Variants in REXO1 observed in about 807,000 individuals in gnomAD.
REXO1 encodes the protein REX1, RNA exonuclease 1 homolog.
Under a neutral mutation model 102.6 loss-of-function variants are expected in REXO1, and 42 were observed. The observed-to-expected ratio is 0.41, with a 90% confidence interval of 0.32 to 0.53. The LOEUF (loss-of-function observed/expected upper bound fraction) is 0.53, where lower values mean the gene tolerates loss of function less well. Ranked by LOEUF, REXO1 falls within the 20% of genes least tolerant of loss-of-function variation. The pLI, the probability that REXO1 is intolerant of heterozygous loss-of-function variation, is 0.27. For missense variants in REXO1, 1,819 were observed against 1,732.5 expected (o/e 1.05, Z -0.89); for synonymous variants, 908 against 779.1 (o/e 1.17, Z -2.76).
At chr19:1,831,818 C>G (rs942708217) in intron 1 of REXO1, among the ~76,000 whole-genome samples, 3 of 132,662 alleles carry the variant, frequency 2.3e-5, no homozygotes, top group Admixed American at 8.7e-5. Flanking sequence ...GCACTCTATC[C>G]TGGGCAACAA....
chr19:1,817,968 C>T (rs1600513376), intron 10 of REXO1, among the ~76,000 whole-genome samples, 188 bp from the exon 11 acceptor site: 1 of 152,194 alleles, frequency 6.6e-6, no homozygotes, highest in African/African-American at 2.4e-5. Flanking sequence ...ACGCCCAGGC[C>T]TGGATCCAGG....
Position 1,826,850 on chromosome 19 carries a change from GCCCAGC to G in REXO1, c.1911+22_1911+27del, listed in dbSNP as rs1818780707. 2 of 1,556,002 alleles carry G rather than the reference GCCCAGC, an allele frequency of 1.3e-6. No individual in the cohort carries two copies. Among genetic ancestry groups the G allele is most frequent in the African/African-American group, 1.4e-5 (1 of 73,410 alleles). ...GGCCCTCGGCTCTGCCTCTGCCCGA[GCCCAGC>G]CCCAGCACCCGCGCGCCTCACCTGC... On this transcript the variant is annotated intron_variant, in intron 2 of 15. Coordinates refer to ENST00000170168, the MANE Select transcript of REXO1 (RefSeq NM_020695.4). The surrounding 1 kb of genome is among the most constrained non-coding windows in gnomAD (Gnocchi z 4.3).
At chr19:1,833,148 C>G (rs987781503) in intron 1 of REXO1, among the ~76,000 whole-genome samples, 1 of 152,110 alleles carries the variant, frequency 6.6e-6, no homozygotes, top group Non-Finnish European at 1.5e-5. Context: ...TCTCTTGAGC[C>G]TAAGAGGTCA....
chr19:1,816,472 G>C lies in REXO1; in HGVS notation c.3415C>G (p.Leu1139Val). Residue 1139 changes from leucine (L) to valine (V), a missense_variant, in exon 14 of 16, where the codon CTC becomes GTC. Leu to Val is a conservative substitution (Grantham distance 32). Coordinates refer to ENST00000170168, the MANE Select transcript of REXO1 (RefSeq NM_020695.4). ...LLSMFSADTI[L>V]IGHSLESDLL... ...TCGCTCTCCAGGCTGTGTCCGATGAGGATGGTGTCAGCGCTGAACATGCTC... is the reference window on the plus strand; with the variant it reads ...TCGCTCTCCAGGCTGTGTCCGATGACGATGGTGTCAGCGCTGAACATGCTC... 1 of 1,612,538 alleles carries C rather than the reference G, an allele frequency of 6.2e-7. No homozygotes were observed.
In REXO1 at chr19:1,820,051, T is replaced by G; in HGVS notation, c.2533A>C (p.Asn845His). 1 of 1,603,270 alleles carries G rather than the reference T, an allele frequency of 6.2e-7. No individual in the cohort carries two copies. The highest frequency in any genetic ancestry group is 2.2e-5 in the East Asian group (1 of 44,696). Residue 845 changes from asparagine (N) to histidine (H), a missense_variant, in exon 7 of 16, where the codon AAC (asparagine) becomes CAC (histidine). Physicochemically the swap from Asn to His is moderately conservative, Grantham distance 68 (BLOSUM62 1). Transcript: ENST00000170168. Reference sequence around the variant, plus strand: ...CGGTCATAGGCCACCTTCTCCTCGTTCAGTGCCTGGGGGACAGGCGGTGCC... The same window carrying G: ...CGGTCATAGGCCACCTTCTCCTCGTGCAGTGCCTGGGGGACAGGCGGTGCC... ...SNQEAIEKAL[N>H]EEKVAYDRSP...
At chr19:1,829,372 G>A (rs1298358139) in intron 1 of REXO1, among the ~76,000 whole-genome samples, 1 of 152,120 alleles carries the variant, frequency 6.6e-6, no homozygotes, top group African/African-American at 2.4e-5. Flanking sequence ...CCAAGTAGCT[G>A]GGATTACAGG....
intron 1 of REXO1, 83 bp downstream of exon 1, chr19:1,848,119 C>T: frequency 1.4e-6 from 1 of 695,146 alleles, no homozygotes; most frequent in Admixed American, 4.5e-5. Flanking sequence ...GGGCCGAGAA[C>T]GGGGACCCCG....
chr19:1,845,569 CA>C (rs764830730), intron 1 of REXO1, among the ~76,000 whole-genome samples: 2 of 152,170 alleles, frequency 1.3e-5, no homozygotes, highest in Non-Finnish European at 2.9e-5. Flanking sequence ...GAGGCTGAGC[CA>C]GGTGGATCCC....
intron 1 of REXO1, among the ~76,000 whole-genome samples, chr19:1,844,617 T>G (rs1162440753): frequency 1.3e-5 from 2 of 152,158 alleles, no homozygotes; most frequent in Admixed American, 6.5e-5. Flanking sequence ...CCTCTACAGA[T>G]GCAGTTCTGG....
At chr19:1,817,416 G>A (rs1482242172) in intron 11 of REXO1, 87 bp from the exon 12 acceptor site, 6 of 1,562,604 alleles carry the variant, frequency 3.8e-6, no homozygotes, top group Non-Finnish European at 5.2e-6. Flanking sequence ...AGCCCTTCGG[G>A]ACCATCCTAT....
rs377388199 is a variant in REXO1, at chr19:1,816,700, G to A, written c.3315C>T (p.Thr1105=). The A allele has an allele frequency of 2.5e-6, 4 of 1,611,968 alleles. No individual in the cohort carries two copies. The highest frequency in any genetic ancestry group is 2.7e-5 in the African/African-American group (2 of 74,800). The change falls in exon 13 of 16, where the codon ACC becomes ACT. Residue 1105 remains threonine, a splice_region_variant and synonymous_variant. Coordinates refer to ENST00000170168, the MANE Select transcript of REXO1 (RefSeq NM_020695.4). ...KPDNEIVDYN[T]RFSGVTEADL... is the part of the protein sequence containing the mutation. The stretch of plus-strand genomic sequence containing the variant: ...CTCGTGGAGGGCACTGGCCACACCT[G>A]GTGTTGTAGTCCACGATCTCGTTGT...
In REXO1 at chr19:1,827,468, T is replaced by C. The variant is rs757062943; in HGVS notation, c.1321A>G (p.Thr441Ala). 7 of 1,569,412 alleles carry C rather than the reference T, an allele frequency of 4.5e-6. No individual in the cohort carries two copies. In the South Asian group the frequency reaches 4.6e-5, roughly 10 times the overall value. The change falls in exon 2 of 16, where the codon ACT becomes GCT. Residue 441 changes from threonine (T) to alanine (A), a missense_variant. Transcript: ENST00000170168. ...EGTKKKPSSA[T>A]PVATSGKGRP... The stretch of plus-strand genomic sequence containing the variant: ...CCTTTCCCTGAGGTGGCCACAGGAG[T>C]GGCCGAAGATGGCTTCTTCTTGGTC...
chr19:1,837,251 C>T (rs1311368142), intron 1 of REXO1, among the ~76,000 whole-genome samples: 1 of 152,210 alleles, frequency 6.6e-6, no homozygotes, highest in Admixed American at 6.5e-5. Flanking sequence ...ATAAGGTCCC[C>T]ACAAATGGCC....
At chr19:1,835,955 C>A (rs1030900436) in intron 1 of REXO1, among the ~76,000 whole-genome samples, 1 of 152,246 alleles carries the variant, frequency 6.6e-6, no homozygotes, top group Non-Finnish European at 1.5e-5. Context: ...CTGACCGCAT[C>A]TCCTGAGACC....
chr19:1,823,610 C>G lies in REXO1; in HGVS notation c.2192G>C (p.Arg731Thr). The stretch of plus-strand genomic sequence containing the variant: ...GGGGTTGGGGATGTGGGCGATCCTC[C>G]TCTTCTCGCCAGGGGCGGAAATGTG... ...SVHISAPGEK[R>T]RIAHIPNPRL... Residue 731 changes from arginine to threonine, a missense_variant, in exon 4 of 16, where the codon AGG (arginine) becomes ACG (threonine). Physicochemically the swap from Arg to Thr is moderately conservative, Grantham distance 71. Transcript: ENST00000170168. The G allele has an allele frequency of 7.6e-7, 1 of 1,323,010 alleles. No homozygotes were observed. Among genetic ancestry groups the G allele is most frequent in the Non-Finnish European group, 9.7e-7 (1 of 1,028,066 alleles). 82.0% of individuals were successfully genotyped at this position (1,323,010 alleles called of 1,614,324 possible).
Position 1,815,955 on chromosome 19 carries a change from T to G in REXO1, c.*111A>C, listed in dbSNP as rs1361143021. On this transcript the variant is annotated 3_prime_UTR_variant, in exon 16 of 16. Coordinates refer to ENST00000170168, the MANE Select transcript of REXO1 (RefSeq NM_020695.4). The surrounding 1 kb of genome is among the most constrained non-coding windows in gnomAD (Gnocchi z 4.0). Reference sequence around the variant, plus strand: ...GCCAGCTCATCCCGCTGCTCTGGGCTGCCTCGGCCAGGTGGACGGGTTACC... The same window carrying G: ...GCCAGCTCATCCCGCTGCTCTGGGCGGCCTCGGCCAGGTGGACGGGTTACC... 4 of 1,535,252 alleles carry G rather than the reference T, an allele frequency of 2.6e-6. No individual in the cohort carries two copies. The African/African-American group carries it at 5.5e-5, about 21-fold the overall frequency.
At chr19:1,818,330 GC>G (rs1000655468) in intron 10 of REXO1, 151 bp downstream of exon 10, 1 of 624,712 alleles carries the variant, frequency 1.6e-6, no homozygotes. Context: ...CCAAGGGCTA[GC>G]CCCGGCTCTG....
intron 1 of REXO1, among the ~76,000 whole-genome samples, chr19:1,840,882 G>A (rs2011243819): frequency 6.6e-6 from 1 of 152,198 alleles, no homozygotes; most frequent in Non-Finnish European, 1.5e-5. Context: ...GTCCTGTGGT[G>A]TGTGTGTCCA....
Position 1,818,825 on chromosome 19 carries a change from C to T in REXO1, c.2783G>A (p.Arg928His), listed in dbSNP as rs553734324. 3.2e-5 allele frequency: 52 copies of T among 1,609,206 alleles called. No homozygotes were observed. The highest frequency in any genetic ancestry group is 1.3e-4 in the South Asian group (12 of 91,026). ...EDLKGAALYS[R>H]LREYLLTQDQ... ...CTGGGTGAGCAGGTACTCCCTGAGG[C>T]GGCTGTACAGGGCAGCCCCTGTGGA... The change falls in exon 9 of 16, where the codon CGC becomes CAC. Residue 928 changes from arginine to histidine, a missense_variant. By Grantham distance (29) the Arg-to-His change is conservative. Transcript: ENST00000170168.
Sources: allele counts gnomAD v4.1 joint callset (sites outside exome capture counted in the v4.1 genomes callset), GRCh38; gene constraint gnomAD v4.1.1; non-coding constraint Gnocchi (gnomAD v3.1); transcripts MANE v1.5; gene names NCBI Gene and HGNC (gene_info 2026-07-23, HGNC 2026-07-21).